Variants in PXDNL observed in about 807,000 individuals in gnomAD.
The protein encoded by PXDNL is probable oxidoreductase PXDNL.
PXDNL carries 145 observed loss-of-function variants against 150.8 expected under a neutral mutation model. The observed-to-expected ratio is 0.96, with a 90% confidence interval of 0.84 to 1.10. The LOEUF (loss-of-function observed/expected upper bound fraction) is 1.10, where lower values mean the gene tolerates loss of function less well. Among genes scored for constraint, PXDNL ranks in the 50% least tolerant of loss-of-function variants. The pLI is 0.00. For missense variants in PXDNL, 2,087 were observed against 1,873.9 expected (o/e 1.11, Z -2.10); for synonymous variants, 757 against 725.7 (o/e 1.04, Z -0.69).
intron 17 of PXDNL, among the ~76,000 whole-genome samples, chr8:51,397,744 T>C (rs996530815): frequency 1.3e-5 from 2 of 152,112 alleles, no homozygotes; most frequent in Admixed American, 1.3e-4. Context: ...CAGGTCTAAG[T>C]AGGGAGAGGC....
chr8:51,788,847 G>C (rs538318726), intron 1 of PXDNL, among the ~76,000 whole-genome samples: 2 of 152,200 alleles, frequency 1.3e-5, no homozygotes, highest in African/African-American at 2.4e-5. Flanking sequence ...GGTTCCCAAG[G>C]CTTTAGGACT....
intron 2 of PXDNL, among the ~76,000 whole-genome samples, chr8:51,621,714 C>T (rs112630910): frequency 0.011 from 1,719 of 151,928 alleles, 30 homozygotes; most frequent in African/African-American, 0.038. Context: ...CTGAGGTGGG[C>T]GGATCACTTG....
intron 2 of PXDNL, among the ~76,000 whole-genome samples, chr8:51,643,547 A>C (rs1409591560): frequency 2.0e-5 from 3 of 152,198 alleles, no homozygotes; most frequent in African/African-American, 7.2e-5. Flanking sequence ...TTAATTCAAG[A>C]TGGATTAAAG....
intron 17 of PXDNL, among the ~76,000 whole-genome samples, chr8:51,389,225 G>A (rs895150913): frequency 7.9e-5 from 12 of 152,134 alleles, no homozygotes; most frequent in Admixed American, 3.9e-4. Context: ...GTGCTTGTGC[G>A]AGGATTTCAG....
chr8:51,664,733 C>A (rs1246964283), intron 1 of PXDNL, among the ~76,000 whole-genome samples: 2 of 152,082 alleles, frequency 1.3e-5, no homozygotes, highest in Non-Finnish European at 2.9e-5. Context: ...TGACCTGGGA[C>A]TTGGCAGGAG....
At chr8:51,366,090 T>C (rs940629560) in intron 19 of PXDNL, among the ~76,000 whole-genome samples, 15 of 152,196 alleles carry the variant, frequency 9.9e-5, no homozygotes, top group African/African-American at 3.6e-4. Flanking sequence ...TCCTAAAGTT[T>C]TGGTCTATCT....
chr8:51,469,890 A>T (rs1585497017), intron 8 of PXDNL, among the ~76,000 whole-genome samples: 1 of 152,112 alleles, frequency 6.6e-6, no homozygotes, highest in African/African-American at 2.4e-5. Context: ...TAAAATGATT[A>T]ACATTTTGAC....
intron 1 of PXDNL, among the ~76,000 whole-genome samples, chr8:51,665,260 CG>C (rs1211516287): frequency 6.6e-6 from 1 of 152,176 alleles, no homozygotes; most frequent in Non-Finnish European, 1.5e-5. Context: ...AGCGAACCCG[CG>C]GTGGGTCTCC....
intron 1 of PXDNL, among the ~76,000 whole-genome samples, chr8:51,752,234 T>C (rs2037052369): frequency 6.6e-6 from 1 of 152,206 alleles, no homozygotes; most frequent in South Asian, 2.1e-4. Context: ...TTATCTCGTC[T>C]CCTGTTAAAT....
intron 2 of PXDNL, among the ~76,000 whole-genome samples, chr8:51,608,386 C>CAAAA (rs760838357): frequency 1.9e-4 from 14 of 75,408 alleles, no homozygotes; most frequent in African/African-American, 5.1e-4. Context: ...GAGACTCCGT[C>CAAAA]AAAAAAAAAA....
chr8:51,633,249 C>T (rs751958121), intron 2 of PXDNL, among the ~76,000 whole-genome samples: 17 of 152,166 alleles, frequency 1.1e-4, no homozygotes, highest in Non-Finnish European at 1.8e-4. Context: ...TTTGTGGATG[C>T]ATAGTAGTCC....
At chr8:51,543,824 A>T (rs946766378) in intron 4 of PXDNL, among the ~76,000 whole-genome samples, 5 of 152,210 alleles carry the variant, frequency 3.3e-5, no homozygotes, top group Non-Finnish European at 7.3e-5. Context: ...CAATTTTTAC[A>T]AAAGAGATAT....
At chr8:51,536,253 G>T (rs1307520749) in intron 4 of PXDNL, among the ~76,000 whole-genome samples, 3 of 152,206 alleles carry the variant, frequency 2.0e-5, no homozygotes, top group Admixed American at 6.5e-5. Context: ...TGACACCAAG[G>T]ACACAGGAAC....
intron 3 of PXDNL, among the ~76,000 whole-genome samples, chr8:51,577,963 GAAA>G (rs1813101368): frequency 2.3e-5 from 2 of 87,932 alleles, no homozygotes; most frequent in South Asian, 3.8e-4. Context: ...AAGAAAGAAA[GAAA>G]GAAAGAAAGA....
intron 19 of PXDNL, among the ~76,000 whole-genome samples, chr8:51,370,283 C>T (rs2130779131): frequency 6.6e-6 from 1 of 152,050 alleles, no homozygotes; most frequent in African/African-American, 2.4e-5. Flanking sequence ...TACACGGAGC[C>T]ATTGCTTCCT....
intron 4 of PXDNL, among the ~76,000 whole-genome samples, chr8:51,509,011 C>A (rs533776300): frequency 6.6e-6 from 1 of 152,318 alleles, no homozygotes; most frequent in African/African-American, 2.4e-5. Context: ...CCTCCTTACT[C>A]TGAAGCCACA....
intron 1 of PXDNL, among the ~76,000 whole-genome samples, chr8:51,669,074 A>T (rs1478222090): frequency 6.6e-6 from 1 of 152,250 alleles, no homozygotes; most frequent in Non-Finnish European, 1.5e-5. Flanking sequence ...TCAATGAATT[A>T]ATGAATAATA....
At chr8:51,753,310 C>CA (rs2037066423) in intron 1 of PXDNL, among the ~76,000 whole-genome samples, 1 of 152,142 alleles carries the variant, frequency 6.6e-6, no homozygotes, top group Non-Finnish European at 1.5e-5. Context: ...GCTACTGTCA[C>CA]ATGATTTCCC....
rs1563481720 is a variant in PXDNL, at chr8:51,608,042, AAAGAAAGAAAGAAAGCAAGC to A, written c.237-15364_237-15345del. ...GAAAGAAAGAAAGAAAGAAAGAAAG[AAAGAAAGAAAGAAAGCAAGC>A]AAGCAAGCAAGCAAGCAAGCAAGCA... On this transcript the variant is annotated intron_variant, in intron 2 of 22. Coordinates refer to ENST00000356297, the MANE Select transcript of PXDNL (RefSeq NM_144651.5). Among the ~76,000 whole-genome samples the A allele has an allele frequency of 3.4e-4, 45 of 133,058 alleles. No individual in the cohort carries two copies. In the South Asian group the frequency reaches 3.4e-3, roughly 10 times the overall value. 87.3% of individuals were successfully genotyped at this position (133,058 alleles called of 152,430 possible). A position where few individuals can be genotyped will look rare whatever the true frequency, so the allele number is the denominator to read the frequency against.
Sources: gnomAD v4.1 joint callset for allele counts (sites outside exome capture counted in the v4.1 genomes callset) on GRCh38, gnomAD v4.1.1 for gene constraint, MANE v1.5 for transcripts, NCBI Gene and HGNC (gene_info 2026-07-23, HGNC 2026-07-21) for gene names.